NR3C1: variants seen among roughly 807,000 people sequenced by gnomAD.
The protein encoded by NR3C1 is nuclear receptor subfamily 3 group C member 1, also known as glucocorticoid receptor.
Under a neutral mutation model 74.0 loss-of-function variants are expected in NR3C1, and 14 were observed. That is an observed-to-expected ratio of 0.19 (90% CI 0.12 to 0.30). The LOEUF (loss-of-function observed/expected upper bound fraction) is 0.30. NR3C1 is among the 10% of genes least tolerant of loss of function. The probability of loss-of-function intolerance (pLI) is 1.00; values close to 1 mark genes in which losing one functional copy is unlikely to be tolerated. For missense variants in NR3C1, 695 were observed against 909.8 expected, an observed-to-expected ratio of 0.76 and a Z score of 3.04; for synonymous variants, 308 against 332.5, an observed-to-expected ratio of 0.93 and a Z score of 0.80.
chr5:143,401,236 G>A, intron 1 of NR3C1: 1 of 237,792 alleles, frequency 4.2e-6, no homozygotes, highest in East Asian at 1.0e-4. Context: ...AAAAAAGGAA[G>A]TGTGATCATT....
intron 1 of NR3C1, among the ~76,000 whole-genome samples, chr5:143,429,006 C>T (rs537348063): frequency 6.6e-6 from 1 of 152,286 alleles, no homozygotes; most frequent in South Asian, 2.1e-4. Context: ...CTGCATGATA[C>T]AGGCATACTC....
chr5:143,373,702 T>C (rs1313429000), intron 2 of NR3C1, among the ~76,000 whole-genome samples: 2 of 151,968 alleles, frequency 1.3e-5, no homozygotes, highest in African/African-American at 2.4e-5. Flanking sequence ...GATATGTAGA[T>C]AGGTAGTAAA....
chr5:143,307,064 T>TGG (rs1377235897), intron 4 of NR3C1, among the ~76,000 whole-genome samples: 10 of 151,848 alleles, frequency 6.6e-5, no homozygotes, highest in Admixed American at 2.0e-4. Context: ...GCCTGGCTAA[T>TGG]TTTTTGTATT....
intron 1 of NR3C1, among the ~76,000 whole-genome samples, chr5:143,420,739 A>G (rs76809953): frequency 1.3e-5 from 2 of 152,160 alleles, no homozygotes; most frequent in East Asian, 3.9e-4. Context: ...CAAAATGTCA[A>G]TAGTGCCGAG....
At chr5:143,404,035 C>A, upstream of NR3C1, 1 of 985,582 alleles carries the variant, frequency 1.0e-6, no homozygotes, top group Non-Finnish European at 1.2e-6. Flanking sequence ...TCTCCAGTTT[C>A]TTTTCTCGCT....
At chr5:143,323,979 G>T (rs180815147) in intron 2 of NR3C1, among the ~76,000 whole-genome samples, 1 of 152,328 alleles carries the variant, frequency 6.6e-6, no homozygotes, top group East Asian at 1.9e-4. Context: ...GATTCCCATG[G>T]TCTTGGGCAG....
intron 2 of NR3C1, among the ~76,000 whole-genome samples, chr5:143,376,573 T>C (rs1835236618): frequency 6.6e-6 from 1 of 152,232 alleles, no homozygotes; most frequent in East Asian, 1.9e-4. Context: ...CCTCATGTTA[T>C]CAGGGTTCCA....
intron 1 of NR3C1, among the ~76,000 whole-genome samples, chr5:143,431,937 T>C (rs1600693770): frequency 6.6e-6 from 1 of 152,306 alleles, no homozygotes; most frequent in African/African-American, 2.4e-5. Flanking sequence ...GAATGACATT[T>C]ATATGGGTTT....
chr5:143,319,642 A>G (rs1283451815), intron 2 of NR3C1, among the ~76,000 whole-genome samples: 1 of 152,180 alleles, frequency 6.6e-6, no homozygotes, highest in Non-Finnish European at 1.5e-5. Flanking sequence ...GGTTGGGGAA[A>G]TGCTATTGGC....
At chr5:143,351,902 T>C (rs1446491379) in intron 2 of NR3C1, among the ~76,000 whole-genome samples, 1 of 152,220 alleles carries the variant, frequency 6.6e-6, no homozygotes, top group African/African-American at 2.4e-5. Context: ...GAAATAATTA[T>C]ATAGGTAAAA....
rs556399054 is a variant in NR3C1 at position 143,308,000 on chromosome 5, A to G, written c.1468+2097T>C. Among the ~76,000 whole-genome samples the G allele has an allele frequency of 2.6e-5, 4 of 152,322 alleles. No individual in the cohort carries two copies. The South Asian group carries it at 8.3e-4, about 32-fold the overall frequency. ...GTAAATCAATGTTTAACATGCTGACACTCTGCAGTTAAGTTTAAATAGCCT... is the reference window on the plus strand; with the variant it reads ...GTAAATCAATGTTTAACATGCTGACGCTCTGCAGTTAAGTTTAAATAGCCT... On this transcript the variant is annotated intron_variant, in intron 4 of 8. Coordinates refer to ENST00000394464, the MANE Select transcript of NR3C1 (RefSeq NM_000176.3).
chr5:143,340,783 A>G (rs1828062314), intron 2 of NR3C1, among the ~76,000 whole-genome samples: 1 of 152,104 alleles, frequency 6.6e-6, no homozygotes, highest in Non-Finnish European at 1.5e-5. Context: ...ACCCGGCCAA[A>G]AGGCGATATT....
rs1813324335 is a variant in NR3C1, at chr5:143,282,491, T to C, written c.2181+77A>G. On this transcript the variant is annotated intron_variant, in intron 8 of 8. Coordinates refer to ENST00000394464, the MANE Select transcript of NR3C1 (RefSeq NM_000176.3). ...GGGGCGGGGGTGGGGGCGCTGCTGG[T>C]ATATAATTATATTCACTAATCAAAA... 2.6e-6 allele frequency: 4 copies of C among 1,552,322 alleles called. No homozygotes were observed. In the African/African-American group the frequency reaches 5.4e-5, roughly 21 times the overall value.
rs563511648 is a variant in NR3C1, at chr5:143,311,808, T to C, written c.1352-1595A>G. Among the ~76,000 whole-genome samples, 434 of 138,000 alleles carry C rather than the reference T, an allele frequency of 3.1e-3. 1 individual carries two copies. Among genetic ancestry groups the C allele is most frequent in the African/African-American group, 0.011 (402 of 36,708 alleles). The allele number at this position is 138,000 out of a possible 152,430, so 90.5% of individuals were successfully genotyped here. A position where few individuals can be genotyped will look rare whatever the true frequency, so the allele number is the denominator to read the frequency against. ...ATAACGTTTTTTTTTTTTTTTTTTT[T>C]CCTGTAGAGACGGGGTCTCGTTATG... is the stretch of plus-strand genomic sequence containing the variant. On this transcript the variant is annotated intron_variant, in intron 3 of 8. Coordinates refer to ENST00000394464, the MANE Select transcript of NR3C1 (RefSeq NM_000176.3).
chr5:143,289,989 T>C (rs1282347665), intron 7 of NR3C1, among the ~76,000 whole-genome samples: 1 of 152,226 alleles, frequency 6.6e-6, no homozygotes, highest in Non-Finnish European at 1.5e-5. Context: ...TGTACATCCA[T>C]ATCCTTATTT....
chr5:143,399,000 T>C lies in NR3C1; in HGVS notation c.1184+656A>G, dbSNP rs186346437. On this transcript the variant is annotated intron_variant, in intron 2 of 8. Transcript: ENST00000394464. ...ACCATGTTGACACCAATTCCTCTCT[T>C]AAAGAGATTGATCAGCAGACATAAC... is the stretch of plus-strand genomic sequence containing the variant. Among the ~76,000 whole-genome samples the C allele has an allele frequency of 1.1e-4, 17 of 152,310 alleles. No individual in the cohort carries two copies. In the East Asian group the frequency reaches 2.9e-3, roughly 26 times the overall value.
chr5:143,322,254 G>A (rs1823546617), intron 2 of NR3C1, among the ~76,000 whole-genome samples: 1 of 152,198 alleles, frequency 6.6e-6, no homozygotes, highest in Non-Finnish European at 1.5e-5. Flanking sequence ...AACTAGTAAA[G>A]TCAGGGTTCA....
Position 143,281,592 on chromosome 5 carries a change from A to G in NR3C1, c.*297T>C. The G allele has an allele frequency of 3.1e-6, 1 of 326,734 alleles. No homozygotes were observed. Among genetic ancestry groups the G allele is most frequent in the Non-Finnish European group, 5.8e-6 (1 of 172,060 alleles). 20.2% of individuals were successfully genotyped at this position (326,734 alleles called of 1,614,324 possible). ...TTTGGGCACTGGTGGTTTAGGTGCC[A>G]TCCTTCTTTGACTGTGGAGATTACG... On this transcript the variant is annotated 3_prime_UTR_variant, in exon 9 of 9. Transcript: ENST00000394464.
chr5:143,347,951 C>T (rs1037694536), intron 2 of NR3C1, among the ~76,000 whole-genome samples: 19 of 151,994 alleles, frequency 1.3e-4, no homozygotes, highest in Non-Finnish European at 1.5e-5. Flanking sequence ...AGCTTTCAAT[C>T]TCTGTTCCCC....
Sources: allele counts gnomAD v4.1 joint callset (sites outside exome capture counted in the v4.1 genomes callset), GRCh38; gene constraint gnomAD v4.1.1; transcripts MANE v1.5; gene names NCBI Gene and HGNC (gene_info 2026-07-23, HGNC 2026-07-21).